The following SH3RF3 variants were observed in gnomAD, a reference collection of about 807,000 sequenced individuals.
SH3RF3 encodes the protein SH3 domain containing ring finger 3, also known as E3 ubiquitin-protein ligase SH3RF3.
Under a neutral mutation model 66.3 loss-of-function variants are expected in SH3RF3, and 29 were observed. The observed-to-expected ratio is 0.44, with a 90% confidence interval of 0.33 to 0.60. The LOEUF (loss-of-function observed/expected upper bound fraction) is 0.60, where lower values mean the gene tolerates loss of function less well. Ranked by LOEUF, SH3RF3 falls within the 20% of genes least tolerant of loss-of-function variation. The pLI is 0.04. For missense variants in SH3RF3, 1,194 were observed against 1,190.9 expected (o/e 1.00, Z -0.04); for synonymous variants, 583 against 532.0 (o/e 1.10, Z -1.32).
At chr2:109,399,091 C>T in intron 4 of SH3RF3, 148 bp downstream of exon 4, 1 of 954,772 alleles carries the variant, frequency 1.0e-6, no homozygotes, top group East Asian at 2.6e-5. Context: ...CCTTTGCTGC[C>T]TGGCACTGGG....
chr2:109,445,815 C>G (rs977207866), intron 7 of SH3RF3, among the ~76,000 whole-genome samples: 1 of 151,898 alleles, frequency 6.6e-6, no homozygotes, highest in African/African-American at 2.4e-5. Context: ...AAGCGATACC[C>G]CTGAAAATAA....
At chr2:109,168,649 A>T (rs1180763801) in intron 1 of SH3RF3, among the ~76,000 whole-genome samples, 1 of 137,022 alleles carries the variant, frequency 7.3e-6, no homozygotes, top group Non-Finnish European at 1.6e-5. Flanking sequence ...ATGGACTGGC[A>T]GCTGCTCAAA....
At chr2:109,209,768 C>T (rs1484468678) in intron 1 of SH3RF3, among the ~76,000 whole-genome samples, 1 of 152,114 alleles carries the variant, frequency 6.6e-6, no homozygotes, top group Non-Finnish European at 1.5e-5. Flanking sequence ...GTTTGTTCAC[C>T]TCCTGTGCTT....
intron 2 of SH3RF3, among the ~76,000 whole-genome samples, chr2:109,360,653 T>C (rs1232281725): frequency 1.3e-5 from 2 of 152,212 alleles, no homozygotes; most frequent in East Asian, 3.8e-4. Flanking sequence ...CAATTGACTT[T>C]TGTATATTAG....
At chr2:109,454,377 A>G (rs1677977215) in intron 8 of SH3RF3, among the ~76,000 whole-genome samples, 1 of 152,146 alleles carries the variant, frequency 6.6e-6, no homozygotes, top group Non-Finnish European at 1.5e-5. Context: ...GGCCATTTTT[A>G]GTCCTGTCTG....
chr2:109,195,915 A>G (rs1678488393), intron 1 of SH3RF3, among the ~76,000 whole-genome samples: 1 of 152,078 alleles, frequency 6.6e-6, no homozygotes, highest in African/African-American at 2.4e-5. Flanking sequence ...GCATTATCTC[A>G]TTACTGACTG....
intron 8 of SH3RF3, among the ~76,000 whole-genome samples, chr2:109,453,389 T>C (rs1313533769): frequency 6.6e-6 from 1 of 152,258 alleles, no homozygotes; most frequent in African/African-American, 2.4e-5. Flanking sequence ...AAAATGAATT[T>C]TGTGCTTGAA....
At chr2:109,345,488 T>C (rs983629411) in intron 1 of SH3RF3, among the ~76,000 whole-genome samples, 1 of 152,110 alleles carries the variant, frequency 6.6e-6, no homozygotes, top group Non-Finnish European at 1.5e-5. Flanking sequence ...ATAACACGGC[T>C]TTTAAGCCTC....
chr2:109,376,931 C>T (rs1255679542), intron 3 of SH3RF3, among the ~76,000 whole-genome samples: 1 of 152,234 alleles, frequency 6.6e-6, no homozygotes, highest in Non-Finnish European at 1.5e-5. Flanking sequence ...CCCTAGTCTG[C>T]AATGTGAGGA....
In SH3RF3 at chr2:109,253,117, T is replaced by G. The variant is rs188071521; in HGVS notation, c.574-94557T>G. ...ATCTCAGGTCACTGCAACCTCCACCTCACGAGTTCAAGTGATTCTCCTGCC... is the reference window on the plus strand; with the variant it reads ...ATCTCAGGTCACTGCAACCTCCACCGCACGAGTTCAAGTGATTCTCCTGCC... On this transcript the variant is annotated intron_variant, in intron 1 of 9. Transcript: ENST00000309415. Among the ~76,000 whole-genome samples the G allele has an allele frequency of 2.9e-3, 444 of 152,282 alleles. 3 individuals are homozygous for G. Among genetic ancestry groups the G allele is most frequent in the African/African-American group, 0.01 (417 of 41,556 alleles).
rs115175887 is a variant in SH3RF3 at position 109,253,004 on chromosome 2, A to G, written c.574-94670A>G. On this transcript the variant is annotated intron_variant, in intron 1 of 9. Coordinates refer to ENST00000309415, the MANE Select transcript of SH3RF3 (RefSeq NM_001099289.3). ...AATCCATCAGTTTAAATGTAGACCC[A>G]CATGTGTAGCCTTTACTTTTTTTTT... is the stretch of plus-strand genomic sequence containing the variant. Among the ~76,000 whole-genome samples the G allele has an allele frequency of 8.7e-3, 1,320 of 152,168 alleles. 22 individuals are homozygous for G. Among genetic ancestry groups the G allele is most frequent in the African/African-American group, 0.03 (1,252 of 41,524 alleles).
chr2:109,424,674 G>C (rs1676982550), intron 5 of SH3RF3, among the ~76,000 whole-genome samples: 1 of 152,124 alleles, frequency 6.6e-6, no homozygotes, highest in East Asian at 1.9e-4. Context: ...AGTTGTTTTG[G>C]GCACCATGGA....
chr2:109,176,547 C>T (rs1305594401), intron 1 of SH3RF3, among the ~76,000 whole-genome samples: 3 of 152,220 alleles, frequency 2.0e-5, no homozygotes, highest in Admixed American at 6.5e-5. Context: ...GCCTTGGCAA[C>T]ATAATGAGAC....
At chr2:109,230,220 A>T in intron 1 of SH3RF3, among the ~76,000 whole-genome samples, 1 of 151,782 alleles carries the variant, frequency 6.6e-6, no homozygotes, top group East Asian at 1.9e-4. Flanking sequence ...TCAACTTGGG[A>T]TGGTTTGACT....
intron 1 of SH3RF3, among the ~76,000 whole-genome samples, chr2:109,249,497 C>CTT (rs1286410726): frequency 0.025 from 786 of 31,664 alleles, 11 homozygotes; most frequent in African/African-American, 0.085. Flanking sequence ...TTCTTTCTTT[C>CTT]TTTCTTTCTT....
In SH3RF3 at chr2:109,398,576, C is replaced by T. The variant is rs993194064; in HGVS notation, c.946-14C>T. ...TGATTTAATGCAGCCTCCCCTCTCC[C>T]CTTTCTCACTCAGCTCAATGACTCC... On this transcript the variant is annotated splice_polypyrimidine_tract_variant and intron_variant, in intron 3 of 9. Transcript: ENST00000309415. 2.6e-6 allele frequency: 4 copies of T among 1,538,310 alleles called. No homozygotes were observed. The highest frequency in any genetic ancestry group is 3.9e-5 in the Admixed American group (2 of 51,714).
chr2:109,155,595 C>G (rs1677327797), intron 1 of SH3RF3, among the ~76,000 whole-genome samples: 1 of 152,198 alleles, frequency 6.6e-6, no homozygotes, highest in Non-Finnish European at 1.5e-5. Flanking sequence ...GCCACCGTGC[C>G]TGGCCGGATC....
chr2:109,196,990 G>C (rs984614846), intron 1 of SH3RF3, among the ~76,000 whole-genome samples: 2 of 152,198 alleles, frequency 1.3e-5, no homozygotes, highest in African/African-American at 4.8e-5. Context: ...TGCTTAGTTT[G>C]ATTTCCCTTA....
intron 7 of SH3RF3, among the ~76,000 whole-genome samples, chr2:109,441,997 A>G (rs114274128): frequency 0.016 from 2,281 of 145,136 alleles, 62 homozygotes; most frequent in African/African-American, 0.062. Flanking sequence ...TAGTAAAACT[A>G]AAAGATTTTG....
Sources: allele counts gnomAD v4.1 joint callset (sites outside exome capture counted in the v4.1 genomes callset), GRCh38; gene constraint gnomAD v4.1.1; transcripts MANE v1.5; gene names NCBI Gene and HGNC (gene_info 2026-07-23, HGNC 2026-07-21).